DHX9: variants seen among roughly 807,000 people sequenced by gnomAD.
DHX9 encodes the protein DExH-box helicase 9, also known as ATP-dependent RNA helicase A.
DHX9 carries 27 observed loss-of-function variants against 148.7 expected under a neutral mutation model. The ratio of observed to expected loss-of-function variants is 0.18; its 90% confidence interval spans 0.13 to 0.25. The LOEUF (loss-of-function observed/expected upper bound fraction) is 0.25. Ranked by LOEUF, DHX9 falls within the 10% of genes least tolerant of loss-of-function variation. The pLI is 1.00. For synonymous variants in DHX9, 529 were observed against 516.6 expected (o/e 1.02, Z -0.33); for missense variants, 796 against 1,559.6 (o/e 0.51, Z 8.25).
chr1:182,864,409 T>A (rs1351743457), intron 12 of DHX9, among the ~76,000 whole-genome samples: 1 of 152,198 alleles, frequency 6.6e-6, no homozygotes, highest in Non-Finnish European at 1.5e-5. Flanking sequence ...TATTTTGATA[T>A]GTGTGCTGGG....
chr1:182,863,247 T>G (rs1156584497), intron 12 of DHX9, among the ~76,000 whole-genome samples: 1 of 152,124 alleles, frequency 6.6e-6, no homozygotes, highest in East Asian at 1.9e-4. Flanking sequence ...GGAGAAAGGA[T>G]TATATTGGGA....
Position 182,852,250 on chromosome 1 carries a change from AC to A in DHX9, c.271del (p.Thr92LeufsTer36). 6.2e-7 allele frequency: 1 copy of A among 1,610,414 alleles called. No individual in the cohort carries two copies. The highest frequency in any genetic ancestry group is 8.5e-7 in the Non-Finnish European group (1 of 1,178,616). ...TTTTGCAGGTAGCATCTCCGCCCCC[AC>A]TTACTGATACTCCTGACACTACAGC... is the stretch of plus-strand genomic sequence containing the variant. ...PAFGVASPPP[L>X]TDTPDTTANA... On this transcript the variant is annotated frameshift_variant, in exon 4 of 28. Transcript: ENST00000367549. LOFTEE classifies it high-confidence loss of function.
At chr1:182,868,842 CA>C (rs1285434182) in intron 14 of DHX9, among the ~76,000 whole-genome samples, 2 of 152,074 alleles carry the variant, frequency 1.3e-5, no homozygotes, top group African/African-American at 4.8e-5. Context: ...TCAGTTTTGT[CA>C]AAACTAAGCT....
intron 3 of DHX9, among the ~76,000 whole-genome samples, chr1:182,844,389 T>G (rs1667988587): frequency 6.6e-6 from 1 of 152,206 alleles, no homozygotes; most frequent in Admixed American, 6.5e-5. Flanking sequence ...GGGATTTTTG[T>G]TTTGTTTTTC....
At chr1:182,870,058 T>C (rs1385777401) in intron 14 of DHX9, among the ~76,000 whole-genome samples, 4 of 152,270 alleles carry the variant, frequency 2.6e-5, no homozygotes, top group Non-Finnish European at 5.9e-5. Flanking sequence ...TTGCATTTTT[T>C]ATACTTACAC....
intron 14 of DHX9, among the ~76,000 whole-genome samples, chr1:182,867,397 A>G (rs564454052): frequency 6.6e-6 from 1 of 152,008 alleles, no homozygotes; most frequent in African/African-American, 2.4e-5. Flanking sequence ...TAGATTTTAT[A>G]ATCGTTTTTT....
chr1:182,845,283 CTCTATGGTCTTGTAGA>C, intron 3 of DHX9, among the ~76,000 whole-genome samples: 2 of 152,284 alleles, frequency 1.3e-5, no homozygotes, highest in South Asian at 4.1e-4. Flanking sequence ...TTAGGCTCTT[CTCTATGGTCTTGTAGA>C]TCTGCTAGTG....
intron 21 of DHX9, among the ~76,000 whole-genome samples, chr1:182,880,117 A>G (rs965280442): frequency 5.9e-5 from 9 of 152,200 alleles, no homozygotes; most frequent in African/African-American, 2.2e-4. Context: ...TGAATCTAGC[A>G]TTTATCTACT....
At chr1:182,852,466 C>T (rs940166157) in intron 4 of DHX9, 122 bp downstream of exon 4, 5 of 598,448 alleles carry the variant, frequency 8.4e-6, no homozygotes, top group Admixed American at 7.2e-5. Flanking sequence ...AGAGACAACC[C>T]AAGGCCTTCA....
chr1:182,871,454 A>G (rs942677965), intron 14 of DHX9, among the ~76,000 whole-genome samples: 1 of 152,222 alleles, frequency 6.6e-6, no homozygotes, highest in Non-Finnish European at 1.5e-5. Context: ...CCACTTAGAA[A>G]AATAGTTAAG....
At chr1:182,856,605 C>T in intron 7 of DHX9, 27 bp downstream of exon 7, 1 of 1,607,230 alleles carries the variant, frequency 6.2e-7, no homozygotes, top group Non-Finnish European at 8.5e-7. Context: ...CCCCAATATT[C>T]CAAGTCTCTG....
At chr1:182,870,477 A>G (rs1648511511) in intron 14 of DHX9, among the ~76,000 whole-genome samples, 1 of 152,236 alleles carries the variant, frequency 6.6e-6, no homozygotes, top group Admixed American at 6.5e-5. Context: ...ACAGGGCACA[A>G]AAGCACATTG....
At chr1:182,870,507 A>G (rs1292250233) in intron 14 of DHX9, among the ~76,000 whole-genome samples, 1 of 152,202 alleles carries the variant, frequency 6.6e-6, no homozygotes, top group Admixed American at 6.5e-5. Context: ...TGTTACATGC[A>G]ACATTGTTAG....
chr1:182,846,853 TATTTATAAA>T (rs1668040516), intron 3 of DHX9, among the ~76,000 whole-genome samples: 1 of 152,094 alleles, frequency 6.6e-6, no homozygotes, highest in African/African-American at 2.4e-5. Flanking sequence ...TTGGTGTTTA[TATTTATAAA>T]GACTTGATAT....
intron 12 of DHX9, among the ~76,000 whole-genome samples, chr1:182,864,524 A>G (rs1648197148): frequency 6.6e-6 from 1 of 152,222 alleles, no homozygotes; most frequent in African/African-American, 2.4e-5. Flanking sequence ...ATTTTGCCAC[A>G]CTCCCCTGAA....
chr1:182,858,069 T>C lies in DHX9; in HGVS notation c.674-35T>C, dbSNP rs181238568. On this transcript the variant is annotated intron_variant, in intron 7 of 27. Coordinates refer to ENST00000367549, the MANE Select transcript of DHX9 (RefSeq NM_001357.5). ...AAGATGTTTCTTTACTCAGATGATT[T>C]CTTTCTGTCTGATAATCCTGACCTT... is the stretch of plus-strand genomic sequence containing the variant. The C allele has an allele frequency of 3.6e-5, 57 of 1,591,102 alleles. No individual in the cohort carries two copies. The Admixed American group carries it at 4.0e-4, about 11-fold the overall frequency.
chr1:182,859,941 G>T, intron 11 of DHX9, 52 bp from the exon 12 acceptor site: 1 of 1,543,126 alleles, frequency 6.5e-7, no homozygotes. Context: ...CAAGACAGTT[G>T]CTTCTAATGT....
intron 24 of DHX9, 49 bp downstream of exon 24, chr1:182,881,696 G>C (rs1321706029): frequency 6.6e-7 from 1 of 1,521,436 alleles, no homozygotes; most frequent in South Asian, 1.3e-5. Context: ...CATTTATATA[G>C]TACATGCAAA....
At chr1:182,846,057 C>T (rs953758229) in intron 3 of DHX9, among the ~76,000 whole-genome samples, 4 of 152,024 alleles carry the variant, frequency 2.6e-5, no homozygotes, top group African/African-American at 9.7e-5. Flanking sequence ...GAGGTGGGAC[C>T]GAAAGTTTCA....
Sources: allele counts gnomAD v4.1 joint callset (sites outside exome capture counted in the v4.1 genomes callset), GRCh38; gene constraint gnomAD v4.1.1; transcripts MANE v1.5; gene names NCBI Gene and HGNC (gene_info 2026-07-23, HGNC 2026-07-21).